C5orf52: variants seen among roughly 807,000 people sequenced by gnomAD.
C5orf52 encodes the protein chromosome 5 open reading frame 52.
Under a neutral mutation model 16.8 loss-of-function variants are expected in C5orf52, and 15 were observed. The observed-to-expected ratio is 0.89, with a 90% CI of 0.60 to 1.38. C5orf52 has a LOEUF of 1.38. Ranked by LOEUF, C5orf52 falls within the 40% of genes most tolerant of loss-of-function variation. The probability of loss-of-function intolerance (pLI) is 0.00; values close to 1 mark genes in which losing one functional copy is unlikely to be tolerated. For missense variants in C5orf52, 206 were observed against 213.1 expected, an observed-to-expected ratio of 0.97 and a Z score of 0.21; for synonymous variants, 83 against 87.2, an observed-to-expected ratio of 0.95 and a Z score of 0.27.
At chr5:157,679,050 T>A (rs7712133) in intron 2 of C5orf52, among the ~76,000 whole-genome samples, 1 of 151,348 alleles carries the variant, frequency 6.6e-6, no homozygotes, top group African/African-American at 2.4e-5. Context: ...AGGAGAATGG[T>A]GTGAACCCAG....
chr5:157,678,514 T>C (rs10054593), intron 2 of C5orf52, among the ~76,000 whole-genome samples: 76,669 of 151,702 alleles, frequency 0.51, 22,572 homozygotes, highest in African/African-American at 0.83. Flanking sequence ...TGAAGTGCAG[T>C]GGCATAATCT....
At chr5:157,679,713 T>C (rs1759970661) in intron 2 of C5orf52, 128 bp from the exon 3 acceptor site, 2 of 811,274 alleles carry the variant, frequency 2.5e-6, no homozygotes, top group Non-Finnish European at 3.9e-6. Context: ...ATATGGAATG[T>C]ACATAGGGTC....
chr5:157,677,670 G>T (rs13171772), intron 2 of C5orf52, among the ~76,000 whole-genome samples: 1 of 135,426 alleles, frequency 7.4e-6, no homozygotes, highest in Non-Finnish European at 1.5e-5. Flanking sequence ...AAAAAAAAAA[G>T]AAAAGAAAAG....
chr5:157,678,993 G>T (rs1361409447), intron 2 of C5orf52, among the ~76,000 whole-genome samples: 1 of 151,964 alleles, frequency 6.6e-6, no homozygotes, highest in African/African-American at 2.4e-5. Flanking sequence ...AATTAGCCAG[G>T]TGTGGTGGCG....
rs1759800437 is a variant in C5orf52, at chr5:157,671,876, G to T, written c.212+50G>T. ...TCGTCAGACCCTCGGACCCGCGAGG[G>T]AACCCTAACTCTTTGGGACTCGCGC... On this transcript the variant is annotated intron_variant, in intron 1 of 2. Transcript: ENST00000409999. The T allele has an allele frequency of 3.9e-6, 5 of 1,268,886 alleles. No individual in the cohort carries two copies. In the Admixed American group the frequency reaches 7.9e-5, roughly 20 times the overall value. 78.6% of individuals were successfully genotyped at this position (1,268,886 alleles called of 1,614,324 possible). A position where few individuals can be genotyped will look rare whatever the true frequency, so the allele number is the denominator to read the frequency against.
chr5:157,676,447 A>C (rs1262096302), intron 2 of C5orf52, among the ~76,000 whole-genome samples: 1 of 152,102 alleles, frequency 6.6e-6, no homozygotes, highest in Non-Finnish European at 1.5e-5. Flanking sequence ...ACAAAATTCT[A>C]ACATTAAAAA....
chr5:157,675,665 G>T (rs565598289), intron 2 of C5orf52, among the ~76,000 whole-genome samples: 1 of 152,078 alleles, frequency 6.6e-6, no homozygotes, highest in African/African-American at 2.4e-5. Flanking sequence ...TTAGCCAGGT[G>T]TGGTGGCAGC....
At chr5:157,673,539 A>G (rs1459578482) in intron 1 of C5orf52, among the ~76,000 whole-genome samples, 3 of 151,790 alleles carry the variant, frequency 2.0e-5, no homozygotes, top group Non-Finnish European at 4.4e-5. Flanking sequence ...CATCTAATAC[A>G]CCACCCGTGT....
chr5:157,678,731 G>A (rs1759953909), intron 2 of C5orf52, among the ~76,000 whole-genome samples: 1 of 152,166 alleles, frequency 6.6e-6, no homozygotes, highest in Non-Finnish European at 1.5e-5. Context: ...AAAGTGCTGG[G>A]ATTACAGATG....
chr5:157,674,536 G>C (rs1759860158), intron 1 of C5orf52, among the ~76,000 whole-genome samples: 1 of 152,186 alleles, frequency 6.6e-6, no homozygotes, highest in Admixed American at 6.5e-5. Flanking sequence ...GGGAGGCTGA[G>C]GTGGGTGTAT....
At chr5:157,679,646 T>C (rs1469489956) in intron 2 of C5orf52, among the ~76,000 whole-genome samples, 195 bp from the exon 3 acceptor site, 1 of 152,158 alleles carries the variant, frequency 6.6e-6, no homozygotes, top group East Asian at 1.9e-4. Context: ...CTTGGAGTTA[T>C]CTAGCTTAAT....
rs569208407 is a variant in C5orf52 at position 157,671,763 on chromosome 5, T to G, written c.149T>G (p.Val50Gly). 10 of 1,550,670 alleles carry G rather than the reference T, an allele frequency of 6.4e-6. 1 individual carries two copies. In the East Asian group the frequency reaches 1.7e-4, roughly 27 times the overall value. The part of the protein sequence containing the change: ...DRLGRRPEIG[V>G]GGQPQICFPR... ...CTCGGCCGCCGCCCAGAAATCGGCG[T>G]AGGGGGTCAGCCGCAGATCTGCTTT... is the stretch of plus-strand genomic sequence containing the variant. The change falls in exon 1 of 3, where the codon GTA becomes GGA. Residue 50 changes from valine (V) to glycine (G), a missense_variant. Coordinates refer to ENST00000409999, the MANE Select transcript of C5orf52 (RefSeq NM_001145132.2).
At chr5:157,675,004 C>A in intron 1 of C5orf52, 88 bp from the exon 2 acceptor site, 1 of 770,500 alleles carries the variant, frequency 1.3e-6, no homozygotes, top group Non-Finnish European at 2.2e-6. Context: ...GGGGAAGCCT[C>A]AGCCACTCCC....
chr5:157,677,764 A>C (rs1328293937), intron 2 of C5orf52, among the ~76,000 whole-genome samples: 1 of 152,024 alleles, frequency 6.6e-6, no homozygotes, highest in Non-Finnish European at 1.5e-5. Context: ...CAGGTGCCTC[A>C]CTTGAGGTCG....
intron 1 of C5orf52, among the ~76,000 whole-genome samples, chr5:157,673,625 C>T (rs983117332): frequency 5.3e-5 from 8 of 151,912 alleles, no homozygotes; most frequent in Admixed American, 2.0e-4. Context: ...CATTTTGTTT[C>T]CACATTTTAG....
intron 2 of C5orf52, among the ~76,000 whole-genome samples, 155 bp from the exon 3 acceptor site, chr5:157,679,686 T>C (rs1759970244): frequency 6.6e-6 from 1 of 152,098 alleles, no homozygotes; most frequent in South Asian, 2.1e-4. Context: ...AGAAATAGGC[T>C]CTCTGTGAGT....
chr5:157,671,190 A>G (rs1581413341), upstream of C5orf52: 4 of 169,974 alleles, frequency 2.4e-5, no homozygotes, highest in East Asian at 6.7e-4. Flanking sequence ...CGCAGAAAGG[A>G]ATCGCCTGTG....
upstream of C5orf52, chr5:157,671,449 A>G: frequency 1.6e-6 from 1 of 615,388 alleles, no homozygotes; most frequent in African/African-American, 1.9e-5. Context: ...CGCATGTCCA[A>G]CAGCCCCCGT....
chr5:157,679,238 T>C (rs930071597), intron 2 of C5orf52, among the ~76,000 whole-genome samples: 2 of 152,178 alleles, frequency 1.3e-5, no homozygotes, highest in Non-Finnish European at 2.9e-5. Context: ...TCCTCTCCTG[T>C]AGCTAGCTCA....
Sources: gnomAD v4.1 joint callset for allele counts (sites outside exome capture counted in the v4.1 genomes callset) on GRCh38, gnomAD v4.1.1 for gene constraint, MANE v1.5 for transcripts, NCBI Gene and HGNC (gene_info 2026-07-23, HGNC 2026-07-21) for gene names.